Variants in TAFA2 observed in about 807,000 individuals in gnomAD.
TAFA2 encodes chemokine-like protein TAFA-2.
Under a neutral mutation model 18.8 loss-of-function variants are expected in TAFA2, and 7 were observed. That is an observed-to-expected ratio of 0.37 (90% CI 0.21 to 0.70). The LOEUF is 0.70. TAFA2 is among the 30% of genes least tolerant of loss of function. The probability of loss-of-function intolerance (pLI) is 0.53; values close to 1 mark genes in which losing one functional copy is unlikely to be tolerated. For synonymous variants in TAFA2, 60 were observed against 54.2 expected (o/e 1.11, Z -0.47); for missense variants, 122 against 158.1 (o/e 0.77, Z 1.23).
chr12:62,117,164 C>T (rs1281054052), intron 1 of TAFA2, among the ~76,000 whole-genome samples: 2 of 152,146 alleles, frequency 1.3e-5, no homozygotes, highest in African/African-American at 2.4e-5. Flanking sequence ...GTTATGGCAA[C>T]CCTAACAAAC....
At chr12:62,043,813 T>C (rs1375152884) in intron 1 of TAFA2, among the ~76,000 whole-genome samples, 1 of 152,144 alleles carries the variant, frequency 6.6e-6, no homozygotes, top group Non-Finnish European at 1.5e-5. Context: ...TACACATTGA[T>C]TGAAACCACA....
intron 1 of TAFA2, among the ~76,000 whole-genome samples, chr12:61,882,581 A>T (rs1875194331): frequency 6.6e-6 from 1 of 152,174 alleles, no homozygotes; most frequent in Non-Finnish European, 1.5e-5. Context: ...GAACTGGCTC[A>T]AATTCAGACT....
intron 1 of TAFA2, among the ~76,000 whole-genome samples, chr12:62,109,493 G>GTGGTTTT (rs900159227): frequency 2.3e-4 from 35 of 152,268 alleles, no homozygotes; most frequent in Admixed American, 1.1e-3. Context: ...GAAATTTAAA[G>GTGGTTTT]TGGTTTTTTC....
intron 1 of TAFA2, among the ~76,000 whole-genome samples, chr12:62,202,346 G>GTT (rs547794206): frequency 2.1e-5 from 3 of 144,216 alleles, no homozygotes; most frequent in African/African-American, 7.6e-5. Flanking sequence ...GATCTTTCTA[G>GTT]TTTTTTTTTT....
chr12:61,907,559 C>A (rs1241236894), intron 1 of TAFA2, among the ~76,000 whole-genome samples: 2 of 152,170 alleles, frequency 1.3e-5, no homozygotes, highest in African/African-American at 4.8e-5. Flanking sequence ...TCATGGAGAA[C>A]CTTAGCTAAA....
chr12:61,973,086 T>C (rs1242957689), intron 1 of TAFA2, among the ~76,000 whole-genome samples: 3 of 151,642 alleles, frequency 2.0e-5, no homozygotes, highest in African/African-American at 7.3e-5. Context: ...TTCAGACACA[T>C]AACTCCCATT....
intron 1 of TAFA2, among the ~76,000 whole-genome samples, chr12:61,967,249 T>G (rs1475388610): frequency 1.3e-5 from 2 of 151,790 alleles, no homozygotes; most frequent in Non-Finnish European, 2.9e-5. Flanking sequence ...ACCTGCTAAA[T>G]GTAAGCACTG....
intron 1 of TAFA2, among the ~76,000 whole-genome samples, chr12:62,081,461 GTTTT>G (rs149474475): frequency 2.7e-5 from 4 of 149,206 alleles, no homozygotes; most frequent in African/African-American, 7.4e-5. Flanking sequence ...TCTTCAACTT[GTTTT>G]TTTTGTTTTT....
rs138013623 is a variant in TAFA2 at position 61,770,650 on chromosome 12, T to C, written c.107-15626A>G. Reference sequence around the variant, plus strand: ...ATCCAGTGAAACTAAGCTTCATAAATGAAGAAAACATATAGTCTTTTTCAG... The same window carrying C: ...ATCCAGTGAAACTAAGCTTCATAAACGAAGAAAACATATAGTCTTTTTCAG... On this transcript the variant is annotated intron_variant, in intron 2 of 4. Coordinates refer to ENST00000416284, the MANE Select transcript of TAFA2 (RefSeq NM_178539.5). Among the ~76,000 whole-genome samples the C allele has an allele frequency of 7.8e-3, 1,194 of 152,184 alleles. 3 individuals carry two copies. Among genetic ancestry groups the C allele is most frequent in the Non-Finnish European group, 0.013 (892 of 67,982 alleles).
chr12:62,191,654 C>T lies in TAFA2; in HGVS notation c.-397G>A, dbSNP rs1428454253. 1 of 152,280 alleles carries T rather than the reference C, an allele frequency of 6.6e-6. No homozygotes were observed. The highest frequency in any genetic ancestry group is 1.5e-5 in the Non-Finnish European group (1 of 68,084). 9.4% of individuals were successfully genotyped at this position (152,280 alleles called of 1,614,324 possible). On this transcript the variant is annotated 5_prime_UTR_variant, in exon 1 of 5. Transcript: ENST00000416284. Reference sequence around the variant, plus strand: ...AAGTCCCGCAGCCCTTGGCAGCGCCCGCGGTCGCCTCCTGTCCTCGCCGGA... The same window carrying T: ...AAGTCCCGCAGCCCTTGGCAGCGCCTGCGGTCGCCTCCTGTCCTCGCCGGA...
intron 1 of TAFA2, among the ~76,000 whole-genome samples, chr12:62,106,232 G>T (rs1358792184): frequency 6.6e-6 from 1 of 151,980 alleles, no homozygotes; most frequent in African/African-American, 2.4e-5. Context: ...TACTCAAGAG[G>T]CTGAGGCAGA....
At chr12:62,246,933 T>TG (rs945231223) in intron 1 of TAFA2, among the ~76,000 whole-genome samples, 1 of 152,140 alleles carries the variant, frequency 6.6e-6, no homozygotes, top group Non-Finnish European at 1.5e-5. Context: ...TGTTTTGTTT[T>TG]TTTTAATTAG....
intron 4 of TAFA2, among the ~76,000 whole-genome samples, chr12:61,746,602 C>T (rs988294292): frequency 1.3e-5 from 2 of 152,128 alleles, no homozygotes; most frequent in Admixed American, 1.3e-4. Flanking sequence ...ACCTGAGCTA[C>T]ACTGTGCCTG....
chr12:61,836,560 T>C (rs528860548), intron 2 of TAFA2, among the ~76,000 whole-genome samples: 2 of 151,720 alleles, frequency 1.3e-5, no homozygotes, highest in Non-Finnish European at 2.9e-5. Flanking sequence ...AACTAATCAC[T>C]GCTAATCTCA....
chr12:61,747,631 C>T (rs1266320384), intron 4 of TAFA2, among the ~76,000 whole-genome samples: 6 of 149,922 alleles, frequency 4.0e-5, no homozygotes, highest in Non-Finnish European at 5.9e-5. Context: ...AACCAAACAC[C>T]GCATATTCTC....
chr12:62,115,160 G>C (rs1869907328), intron 1 of TAFA2, among the ~76,000 whole-genome samples: 1 of 151,396 alleles, frequency 6.6e-6, no homozygotes, highest in Non-Finnish European at 1.5e-5. Flanking sequence ...TTAATTCTAA[G>C]CCTAGAAAAG....
chr12:62,182,557 C>T (rs1049465069), intron 1 of TAFA2, among the ~76,000 whole-genome samples: 52 of 152,202 alleles, frequency 3.4e-4, no homozygotes, highest in African/African-American at 1.2e-3. Flanking sequence ...AGGCCCTCTT[C>T]CAGAACCTTC....
chr12:61,837,562 C>T (rs1035506324), intron 2 of TAFA2, among the ~76,000 whole-genome samples: 1 of 151,968 alleles, frequency 6.6e-6, no homozygotes, highest in African/African-American at 2.4e-5. Flanking sequence ...TCATCTCAAA[C>T]ATATCACTTA....
At chr12:61,751,026 A>C (rs1282297646) in intron 4 of TAFA2, among the ~76,000 whole-genome samples, 1 of 152,112 alleles carries the variant, frequency 6.6e-6, no homozygotes, top group Non-Finnish European at 1.5e-5. Flanking sequence ...AATGATTAAA[A>C]TAATGACTCA....
Sources: gnomAD v4.1 joint callset for allele counts (sites outside exome capture counted in the v4.1 genomes callset) on GRCh38, gnomAD v4.1.1 for gene constraint, MANE v1.5 for transcripts, NCBI Gene and HGNC (gene_info 2026-07-23, HGNC 2026-07-21) for gene names.